RIMS2: variants seen among roughly 807,000 people sequenced by gnomAD.
The protein encoded by RIMS2 is regulating synaptic membrane exocytosis protein 2.
RIMS2 carries 59 observed loss-of-function variants against 174.4 expected under a neutral mutation model. The ratio of observed to expected loss-of-function variants is 0.34; its 90% CI spans 0.27 to 0.42. The LOEUF is 0.42. Ranked by LOEUF, RIMS2 falls within the 10% of genes least tolerant of loss-of-function variation. RIMS2 has a pLI of 1.00. For missense variants in RIMS2, 1,620 were observed against 1,666.3 expected, an observed-to-expected ratio of 0.97 and a Z score of 0.48; for synonymous variants, 606 against 572.5, an observed-to-expected ratio of 1.06 and a Z score of -0.84.
intron 2 of RIMS2, among the ~76,000 whole-genome samples, chr8:103,701,414 T>G (rs546546153): frequency 7.2e-5 from 11 of 152,270 alleles, no homozygotes; most frequent in African/African-American, 2.4e-5. Flanking sequence ...CACTGACCAT[T>G]TCTTTGTGTT....
chr8:103,716,916 A>G (rs1264385124), intron 2 of RIMS2, among the ~76,000 whole-genome samples: 1 of 152,144 alleles, frequency 6.6e-6, no homozygotes, highest in Non-Finnish European at 1.5e-5. Context: ...ACTACCGGCT[A>G]GGTTTTAATA....
intron 1 of RIMS2, among the ~76,000 whole-genome samples, chr8:103,616,830 T>C (rs2095516011): frequency 1.3e-5 from 2 of 151,924 alleles, no homozygotes; most frequent in African/African-American, 4.8e-5. Context: ...GTAAAAGATC[T>C]CTACAATGAG....
intron 1 of RIMS2, among the ~76,000 whole-genome samples, chr8:103,551,384 T>C (rs905878315): frequency 9.9e-5 from 15 of 152,278 alleles, no homozygotes; most frequent in African/African-American, 3.4e-4. Flanking sequence ...AAAAGGCCTT[T>C]GACAAAATTC....
intron 8 of RIMS2, 145 bp downstream of exon 11, chr8:103,916,682 C>A (rs1565294782): frequency 1.7e-6 from 1 of 586,016 alleles, no homozygotes; most frequent in Non-Finnish European, 2.9e-6. Flanking sequence ...AACAAAAGCA[C>A]CACACCAAAA....
chr8:103,564,852 C>G (rs2092133264), intron 1 of RIMS2, among the ~76,000 whole-genome samples: 1 of 152,202 alleles, frequency 6.6e-6, no homozygotes. Context: ...ATCCTTCAAT[C>G]CAATCAAGTT....
At chr8:103,922,741 TG>T (rs1033558587) in intron 10 of RIMS2, 8 of 297,252 alleles carry the variant, frequency 2.7e-5, no homozygotes, top group Admixed American at 1.4e-4. Context: ...TGGTTTTTTT[TG>T]GGGGTGGGTG....
chr8:103,667,090 A>G (rs893329475), intron 1 of RIMS2, among the ~76,000 whole-genome samples: 1 of 152,196 alleles, frequency 6.6e-6, no homozygotes, highest in Non-Finnish European at 1.5e-5. Flanking sequence ...TCATGAACCA[A>G]ACCAGCTAAA....
At chr8:104,094,780 A>G (rs2097727571) in intron 19 of RIMS2, 3 of 587,472 alleles carry the variant, frequency 5.1e-6, no homozygotes, top group Admixed American at 3.1e-5. Context: ...AGTCTTTTTT[A>G]CCATTCCTAA....
intron 20 of RIMS2, among the ~76,000 whole-genome samples, chr8:104,246,569 A>G (rs1352055538): frequency 6.6e-6 from 1 of 152,232 alleles, no homozygotes; most frequent in East Asian, 1.9e-4. Flanking sequence ...AGTAAAATTT[A>G]TAGTAGATTA....
intron 1 of RIMS2, among the ~76,000 whole-genome samples, chr8:103,567,109 C>T (rs78249450): frequency 0.01 from 1,577 of 152,242 alleles, 30 homozygotes; most frequent in African/African-American, 0.036. Flanking sequence ...ACTACTTTCA[C>T]TTAGCATAAT....
chr8:103,981,211 C>T (rs2154549227), intron 16 of RIMS2, among the ~76,000 whole-genome samples: 1 of 152,274 alleles, frequency 6.6e-6, no homozygotes, highest in African/African-American at 2.4e-5. Flanking sequence ...ACCACAACCC[C>T]AGTTCCAGGC....
intron 3 of RIMS2, among the ~76,000 whole-genome samples, chr8:103,876,868 A>AT (rs2099141276): frequency 5.4e-5 from 1 of 18,424 alleles, no homozygotes; most frequent in Non-Finnish European, 1.1e-4. Flanking sequence ...ACTATTTTAT[A>AT]TATATATATA....
chr8:103,852,170 T>A (rs2099002374), intron 3 of RIMS2, among the ~76,000 whole-genome samples: 1 of 151,988 alleles, frequency 6.6e-6, no homozygotes, highest in Non-Finnish European at 1.5e-5. Flanking sequence ...TTCTCTTATG[T>A]CAGAAAAGCT....
intron 19 of RIMS2, 80 bp from the exon 24 acceptor site, chr8:104,093,391 G>A: frequency 9.9e-7 from 1 of 1,007,650 alleles, no homozygotes; most frequent in Non-Finnish European, 1.4e-6. Context: ...CAATTAAAGT[G>A]ATGAAATAGG....
chr8:104,030,687 T>G (rs2096372317), intron 19 of RIMS2, among the ~76,000 whole-genome samples: 1 of 152,176 alleles, frequency 6.6e-6, no homozygotes, highest in South Asian at 2.1e-4. Context: ...TACCTTCTCT[T>G]TAAATAACCA....
intron 1 of RIMS2, among the ~76,000 whole-genome samples, chr8:103,696,858 G>A (rs547400961): frequency 2.5e-3 from 169 of 67,476 alleles, no homozygotes; most frequent in African/African-American, 9.5e-3. Flanking sequence ...GCGAGACTTC[G>A]TCTCAAAAAA....
At chr8:103,591,431 C>G (rs1453171600) in intron 1 of RIMS2, among the ~76,000 whole-genome samples, 6 of 150,922 alleles carry the variant, frequency 4.0e-5, no homozygotes, top group Non-Finnish European at 6.0e-5. Flanking sequence ...TTGGATTTAT[C>G]ACTTTTAAAA....
chr8:103,567,806 C>T (rs539281514), intron 1 of RIMS2, among the ~76,000 whole-genome samples: 25 of 152,332 alleles, frequency 1.6e-4, no homozygotes, highest in African/African-American at 6.0e-4. Flanking sequence ...ACTTTCTCCA[C>T]ATCCTTCTCA....
chr8:103,982,207 A>T (rs1323916994), intron 16 of RIMS2, among the ~76,000 whole-genome samples: 1 of 152,164 alleles, frequency 6.6e-6, no homozygotes, highest in East Asian at 1.9e-4. Flanking sequence ...AAGAAACCCA[A>T]TAGCTTAACA....
Sources: gnomAD v4.1 joint callset for allele counts (sites outside exome capture counted in the v4.1 genomes callset) on GRCh38, gnomAD v4.1.1 for gene constraint, MANE v1.5 for transcripts, NCBI Gene and HGNC (gene_info 2026-07-23, HGNC 2026-07-21) for gene names.